PILRB: variants seen among roughly 807,000 people sequenced by gnomAD.
PILRB encodes the protein paired immunoglobulin-like type 2 receptor beta.
A neutral mutation model predicts 20.5 loss-of-function variants in PILRB; 21 were observed. The ratio of observed to expected loss-of-function variants is 1.02; its 90% confidence interval spans 0.72 to 1.47. The LOEUF (loss-of-function observed/expected upper bound fraction) is 1.47, where lower values mean the gene tolerates loss of function less well. Ranked by LOEUF, PILRB falls within the 40% of genes most tolerant of loss-of-function variation. The probability of loss-of-function intolerance (pLI) is 0.00; values close to 1 mark genes in which losing one functional copy is unlikely to be tolerated. For synonymous variants in PILRB, 133 were observed against 115.1 expected, an observed-to-expected ratio of 1.16 and a Z score of -0.99; for missense variants, 253 against 272.1, an observed-to-expected ratio of 0.93 and a Z score of 0.49.
rs1267180575 is a variant in PILRB, at chr7:100,359,099, C to T, written c.454+20C>T. On this transcript the variant is annotated intron_variant, in intron 2 of 3. Transcript: ENST00000609309. Reference sequence around the variant, plus strand: ...CCCAGGGTGAGTCCAGCTGCCCTGACACCTGCCTTGCCCACCGCAGTGAGG... The same window carrying T: ...CCCAGGGTGAGTCCAGCTGCCCTGATACCTGCCTTGCCCACCGCAGTGAGG... The T allele has an allele frequency of 1.2e-6, 2 of 1,613,710 alleles. No individual in the cohort carries two copies. Among genetic ancestry groups the T allele is most frequent in the East Asian group, 2.2e-5 (1 of 44,882 alleles).
At chr7:100,358,611 G>A in intron 1 of PILRB, 79 bp from the exon 2 acceptor site, 1 of 1,537,660 alleles carries the variant, frequency 6.5e-7, no homozygotes, top group Non-Finnish European at 8.9e-7. Flanking sequence ...GTGAAGGTGT[G>A]GGAGGGTCTG....
At chr7:100,361,664 G>C (rs577924150) in intron 3 of PILRB, among the ~76,000 whole-genome samples, 13 of 152,300 alleles carry the variant, frequency 8.5e-5, no homozygotes, top group African/African-American at 3.1e-4. Context: ...CTGCACTCCA[G>C]CCTGGCTGAT....
chr7:100,359,662 G>T, intron 3 of PILRB, 125 bp downstream of exon 3: 1 of 798,934 alleles, frequency 1.3e-6, no homozygotes, highest in South Asian at 1.6e-5. Flanking sequence ...CACCAAGGCC[G>T]ACTCTGGCCT....
At chr7:100,366,591 G>A (rs1420304219) in intron 3 of PILRB, among the ~76,000 whole-genome samples, 2 of 152,110 alleles carry the variant, frequency 1.3e-5, no homozygotes, top group Non-Finnish European at 2.9e-5. Context: ...GGGGAGGGGA[G>A]GCCTAGAGGT....
chr7:100,362,479 A>G (rs1306309320), intron 3 of PILRB, among the ~76,000 whole-genome samples: 2 of 152,140 alleles, frequency 1.3e-5, no homozygotes, highest in Non-Finnish European at 2.9e-5. Context: ...CTCAACTGAT[A>G]CAGAAAAAAC....
chr7:100,364,857 G>A (rs1395633805), intron 3 of PILRB, among the ~76,000 whole-genome samples: 2 of 152,180 alleles, frequency 1.3e-5, no homozygotes, highest in East Asian at 3.9e-4. Context: ...GGAAGCTGAG[G>A]TTAGGAGAAT....
In PILRB at chr7:100,358,729, T is replaced by C. The variant is rs1790436583; in HGVS notation, c.104T>C (p.Val35Ala). The C allele has an allele frequency of 6.2e-7, 1 of 1,613,932 alleles. No individual in the cohort carries two copies. The highest frequency in any genetic ancestry group is 8.5e-7 in the Non-Finnish European group (1 of 1,179,914). The change falls in exon 2 of 4, where the codon GTC becomes GCC. Residue 35 changes from valine to alanine, a missense_variant. By Grantham distance (64) the Val-to-Ala change is moderately conservative. Transcript: ENST00000609309. ...TCTGGTCCAAGCTACCTTTATGGGG[T>C]CACTCAACCAAAACACCTCTCAGCC... ...TGSGPSYLYG[V>A]TQPKHLSASM...
At chr7:100,363,974 G>T (rs1328900787) in intron 3 of PILRB, among the ~76,000 whole-genome samples, 1 of 152,054 alleles carries the variant, frequency 6.6e-6, no homozygotes, top group Non-Finnish European at 1.5e-5. Context: ...CAGGCGTGGT[G>T]GCGCATGTCT....
intron 3 of PILRB, among the ~76,000 whole-genome samples, chr7:100,360,852 C>T (rs1414144457): frequency 6.6e-6 from 1 of 152,196 alleles, no homozygotes; most frequent in Non-Finnish European, 1.5e-5. Flanking sequence ...GATGAAACCA[C>T]CAACTACAGT....
rs367592690 is a variant in PILRB at position 100,358,753 on chromosome 7, C to T, written c.128C>T (p.Ala43Val). Residue 43 changes from alanine (A) to valine (V), a missense_variant, in exon 2 of 4, where the codon GCC (alanine) becomes GTC (valine). By Grantham distance (64) the Ala-to-Val change is moderately conservative (BLOSUM62 0). Transcript: ENST00000609309. ...YGVTQPKHLSASMGGSVEIPF... is the reference protein window; with the variant it reads ...YGVTQPKHLSVSMGGSVEIPF... ...GTCACTCAACCAAAACACCTCTCAG[C>T]CTCCATGGGTGGCTCTGTGGAAATC... The T allele has an allele frequency of 1.2e-6, 2 of 1,614,008 alleles. No homozygotes were observed. Among genetic ancestry groups the T allele is most frequent in the Non-Finnish European group, 1.7e-6 (2 of 1,179,914 alleles).
At chr7:100,366,900 CAG>C (rs943098509) in intron 3 of PILRB, among the ~76,000 whole-genome samples, 8 of 152,046 alleles carry the variant, frequency 5.3e-5, no homozygotes, top group Non-Finnish European at 1.0e-4. Flanking sequence ...TGGTGGACAA[CAG>C]GGAGAACAGG....
intron 3 of PILRB, among the ~76,000 whole-genome samples, chr7:100,364,752 G>T (rs1342060557): frequency 6.6e-6 from 1 of 152,146 alleles, no homozygotes; most frequent in African/African-American, 2.4e-5. Flanking sequence ...TTTGCACACC[G>T]ATGTTTGTAG....
chr7:100,366,452 G>A (rs1790688902), intron 3 of PILRB, among the ~76,000 whole-genome samples: 1 of 152,160 alleles, frequency 6.6e-6, no homozygotes, highest in African/African-American at 2.4e-5. Flanking sequence ...GGAGGGGGCT[G>A]GATGGTGGAG....
chr7:100,358,696 C>T lies in PILRB; in HGVS notation c.71C>T (p.Ser24Phe), dbSNP rs771477614. The T allele has an allele frequency of 4.3e-6, 7 of 1,613,430 alleles. No individual in the cohort carries two copies. Among genetic ancestry groups the T allele is most frequent in the African/African-American group, 4.0e-5 (3 of 74,874 alleles). ...CACTCCCTCCTTCCTCTAGGTGGCT[C>T]CACAGGATCTGGTCCAAGCTACCTT... ...QPPAFLQPGG[S>F]TGSGPSYLYG... The change falls in exon 2 of 4, where the codon TCC becomes TTC. Residue 24 changes from serine to phenylalanine, a missense_variant. By Grantham distance (155) the Ser-to-Phe change is radical. Coordinates refer to ENST00000609309, the MANE Select transcript of PILRB (RefSeq NM_178238.4).
chr7:100,359,293 C>G, intron 2 of PILRB, 44 bp from the exon 3 acceptor site: 1 of 1,600,034 alleles, frequency 6.2e-7, no homozygotes, highest in African/African-American at 1.3e-5. Flanking sequence ...TCCAGACGCC[C>G]CACACCCCCA....
chr7:100,367,598 T>A lies in PILRB; in HGVS notation c.*221T>A. The A allele has an allele frequency of 1.7e-6, 1 of 585,314 alleles. No individual in the cohort carries two copies. Among genetic ancestry groups the A allele is most frequent in the Non-Finnish European group, 3.1e-6 (1 of 324,824 alleles). 36.3% of individuals were successfully genotyped at this position (585,314 alleles called of 1,614,324 possible). A position where few individuals can be genotyped will look rare whatever the true frequency, so the allele number is the denominator to read the frequency against. On this transcript the variant is annotated 3_prime_UTR_variant, in exon 4 of 4. Coordinates refer to ENST00000609309, the MANE Select transcript of PILRB (RefSeq NM_178238.4). ...AGCCTTCATCCAGGAGCATCCACAC[T>A]GCAATGATATAGGAATGAGGTCTGA...
intron 3 of PILRB, among the ~76,000 whole-genome samples, chr7:100,364,955 TAAAAA>T (rs772197270): frequency 4.1e-5 from 6 of 147,292 alleles, no homozygotes; most frequent in East Asian, 2.0e-4. Context: ...TCCTGTCTAT[TAAAAA>T]AAAAAAGTTC....
intron 2 of PILRB, 58 bp from the exon 3 acceptor site, chr7:100,359,279 T>G: frequency 6.3e-7 from 1 of 1,585,040 alleles, no homozygotes. Context: ...CACCATGCCT[T>G]TCATCCAGAC....
intron 3 of PILRB, among the ~76,000 whole-genome samples, chr7:100,366,888 CGTG>C (rs1282529553): frequency 6.6e-6 from 1 of 152,022 alleles, no homozygotes; most frequent in African/African-American, 2.4e-5. Flanking sequence ...CAGGAGATGA[CGTG>C]GTGGACAACA....
Sources: allele counts gnomAD v4.1 joint callset (sites outside exome capture counted in the v4.1 genomes callset), GRCh38; gene constraint gnomAD v4.1.1; transcripts MANE v1.5; gene names NCBI Gene and HGNC (gene_info 2026-07-23, HGNC 2026-07-21).